HYKK: variants seen among roughly 807,000 people sequenced by gnomAD.
The protein encoded by HYKK is 5-hydroxy-L-lysine kinase.
HYKK carries 19 observed loss-of-function variants against 29.7 expected under a neutral mutation model. The ratio of observed to expected loss-of-function variants is 0.64; its 90% CI spans 0.45 to 0.94. HYKK has a LOEUF of 0.94. Ranked by LOEUF, HYKK falls within the 40% of genes least tolerant of loss-of-function variation. The probability of loss-of-function intolerance (pLI) is 0.00; values close to 1 mark genes in which losing one functional copy is unlikely to be tolerated. For synonymous variants in HYKK, 152 were observed against 158.1 expected (o/e 0.96, Z 0.29); for missense variants, 390 against 443.4 (o/e 0.88, Z 1.08).
chr15:78,517,246 A>C (rs1336032727), intron 3 of HYKK, among the ~76,000 whole-genome samples: 1 of 150,924 alleles, frequency 6.6e-6, no homozygotes, highest in Admixed American at 6.6e-5. Context: ...CTCTGAATGT[A>C]ATGTGTCTTT....
At chr15:78,518,524 C>T (rs1034090324) in intron 3 of HYKK, 79 of 451,166 alleles carry the variant, frequency 1.8e-4, no homozygotes, top group Admixed American at 3.6e-4. Flanking sequence ...CATTGCCTAA[C>T]GTCTAATAAC....
At chr15:78,513,473 C>T in intron 2 of HYKK, 48 bp downstream of exon 2, 2 of 1,358,106 alleles carry the variant, frequency 1.5e-6, no homozygotes, top group Non-Finnish European at 2.0e-6. Flanking sequence ...AGACACATCA[C>T]TGCATTTTGG....
rs995395418 is a variant in HYKK, at chr15:78,527,837, G to T, written c.661+274G>T. Reference sequence around the variant, plus strand: ...ATAAATTATTTATAGTAGGGTTTGTGTTTTTCAAACTTTATATCAATGGTA... The same window carrying T: ...ATAAATTATTTATAGTAGGGTTTGTTTTTTTCAAACTTTATATCAATGGTA... On this transcript the variant is annotated intron_variant, in intron 4 of 4. Transcript: ENST00000388988. 6 of 850,828 alleles carry T rather than the reference G, an allele frequency of 7.1e-6. No individual in the cohort carries two copies. The African/African-American group carries it at 1.1e-4, about 15-fold the overall frequency. 52.7% of individuals were successfully genotyped at this position (850,828 alleles called of 1,614,324 possible).
At chr15:78,523,278 G>T (rs2052216502) in intron 3 of HYKK, among the ~76,000 whole-genome samples, 1 of 152,194 alleles carries the variant, frequency 6.6e-6, no homozygotes, top group South Asian at 2.1e-4. Context: ...GTGGGAGCAG[G>T]TGTCTTAAAT....
downstream of HYKK, chr15:78,537,158 C>A: frequency 2.4e-6 from 1 of 424,164 alleles, no homozygotes. Flanking sequence ...AATTGTGGGA[C>A]TTCCTAGCCT....
rs574461440 is a variant in HYKK at position 78,534,133 on chromosome 15, C to G, written c.*463C>G. ...TCTCTAGAATCCCAGTGCATTGTGT[C>G]TTTTTCATGGCCCATCACTTTGTAT... is the stretch of plus-strand genomic sequence containing the variant. On this transcript the variant is annotated 3_prime_UTR_variant, in exon 5 of 5. Coordinates refer to ENST00000388988, the MANE Select transcript of HYKK (RefSeq NM_001013619.4). 6.5e-6 allele frequency: 1 copy of G among 154,800 alleles called. No homozygotes were observed. The allele number at this position is 154,800 out of a possible 1,614,324, so 9.6% of individuals were successfully genotyped here. A position where few individuals can be genotyped will look rare whatever the true frequency, so the allele number is the denominator to read the frequency against.
At chr15:78,509,814 G>C (rs2052053381) in intron 1 of HYKK, among the ~76,000 whole-genome samples, 1 of 152,244 alleles carries the variant, frequency 6.6e-6, no homozygotes, top group South Asian at 2.1e-4. Context: ...CTTTGTCACA[G>C]TACCTTCAGT....
chr15:78,515,355 A>C (rs2052120347), intron 3 of HYKK, among the ~76,000 whole-genome samples: 1 of 152,120 alleles, frequency 6.6e-6, no homozygotes, highest in Non-Finnish European at 1.5e-5. Context: ...GCTGAGGCAG[A>C]GGAATCTAAC....
intron 1 of HYKK, among the ~76,000 whole-genome samples, chr15:78,509,530 T>A (rs936593341): frequency 2.1e-4 from 32 of 152,222 alleles, no homozygotes; most frequent in African/African-American, 7.7e-4. Flanking sequence ...CCTCTAAGGT[T>A]CCTTACAACT....
chr15:78,526,054 A>G (rs1363562267), intron 3 of HYKK, among the ~76,000 whole-genome samples: 1 of 152,210 alleles, frequency 6.6e-6, no homozygotes, highest in Non-Finnish European at 1.5e-5. Flanking sequence ...CCTTATAATA[A>G]CAAGTCGTTA....
At chr15:78,515,505 C>T (rs2052122469) in intron 3 of HYKK, among the ~76,000 whole-genome samples, 1 of 151,906 alleles carries the variant, frequency 6.6e-6, no homozygotes, top group African/African-American at 2.4e-5. Context: ...ATCGCTTGAG[C>T]CAGGAGGTGG....
intron 4 of HYKK, among the ~76,000 whole-genome samples, chr15:78,532,077 C>T (rs752944533): frequency 2.6e-5 from 4 of 152,160 alleles, no homozygotes; most frequent in East Asian, 1.9e-4. Context: ...TGGACACTTA[C>T]ATCTCTTACT....
intron 3 of HYKK, chr15:78,518,675 T>G (rs756107483): frequency 6.3e-4 from 273 of 435,858 alleles, no homozygotes; most frequent in Admixed American, 4.2e-4. Context: ...CCCAGCACTT[T>G]GGGAGGCCGA....
intron 3 of HYKK, among the ~76,000 whole-genome samples, chr15:78,515,708 C>A (rs865795739): frequency 6.6e-6 from 1 of 151,980 alleles, no homozygotes; most frequent in East Asian, 1.9e-4. Flanking sequence ...TCTGCCTCAG[C>A]CTCCCAAGTA....
At chr15:78,527,693 T>G in intron 4 of HYKK, 130 bp downstream of exon 4, 3 of 1,416,052 alleles carry the variant, frequency 2.1e-6, no homozygotes, top group Non-Finnish European at 2.8e-6. Flanking sequence ...TCCTATTGCT[T>G]TTTAAATAAT....
intron 3 of HYKK, among the ~76,000 whole-genome samples, chr15:78,520,845 G>A (rs1306907108): frequency 2.0e-5 from 3 of 151,322 alleles, no homozygotes; most frequent in African/African-American, 4.9e-5. Context: ...CCTCCCGGAC[G>A]GGGCAGCTGG....
rs2052348670 is a variant in HYKK, at chr15:78,535,072, A to G, written c.*1402A>G. The G allele has an allele frequency of 6.6e-6, 1 of 151,966 alleles. No homozygotes were observed. The highest frequency in any genetic ancestry group is 1.5e-5 in the Non-Finnish European group (1 of 68,010). The allele number at this position is 151,966 out of a possible 1,614,324, so 9.4% of individuals were successfully genotyped here. ...ACTATTCTTATGATTTCAACTATTC[A>G]TTGTCTACAGATGACTCAAGTCTAG... On this transcript the variant is annotated 3_prime_UTR_variant, in exon 5 of 5. Coordinates refer to ENST00000388988, the MANE Select transcript of HYKK (RefSeq NM_001013619.4).
At chr15:78,516,734 T>C (rs2052137245) in intron 3 of HYKK, among the ~76,000 whole-genome samples, 1 of 152,084 alleles carries the variant, frequency 6.6e-6, no homozygotes, top group African/African-American at 2.4e-5. Context: ...AGAAAAGAGG[T>C]TTAGGCCAGG....
At chr15:78,512,934 G>A (rs2052089178) in intron 1 of HYKK, 150 bp from the exon 2 acceptor site, 2 of 593,608 alleles carry the variant, frequency 3.4e-6, no homozygotes, top group African/African-American at 1.9e-5. Flanking sequence ...TCACTGATTT[G>A]ATTTTCTTTT....
Sources: gnomAD v4.1 joint callset for allele counts (sites outside exome capture counted in the v4.1 genomes callset) on GRCh38, gnomAD v4.1.1 for gene constraint, MANE v1.5 for transcripts, NCBI Gene and HGNC (gene_info 2026-07-23, HGNC 2026-07-21) for gene names.